The following COP1 variants were observed in gnomAD, a reference collection of about 807,000 sequenced individuals.
The protein encoded by COP1 is COP1 E3 ubiquitin ligase, also known as E3 ubiquitin-protein ligase COP1.
Under a neutral mutation model 101.3 loss-of-function variants are expected in COP1, and 24 were observed. The observed-to-expected ratio is 0.24, with a 90% CI of 0.17 to 0.33. COP1 has a LOEUF of 0.33. COP1 is among the 10% of genes least tolerant of loss of function. The probability of loss-of-function intolerance (pLI) is 1.00; values close to 1 mark genes in which losing one functional copy is unlikely to be tolerated. For missense variants in COP1, 663 were observed against 906.2 expected, an observed-to-expected ratio of 0.73 and a Z score of 3.45; for synonymous variants, 347 against 341.9, an observed-to-expected ratio of 1.01 and a Z score of -0.17.
At chr1:175,981,368 C>G (rs1655824470) in intron 18 of COP1, among the ~76,000 whole-genome samples, 1 of 152,106 alleles carries the variant, frequency 6.6e-6, no homozygotes, top group South Asian at 2.1e-4. Flanking sequence ...TCTCTGCCTT[C>G]TTTCAAGAAT....
At chr1:176,063,466 T>A (rs917640761) in intron 11 of COP1, among the ~76,000 whole-genome samples, 2 of 152,250 alleles carry the variant, frequency 1.3e-5, no homozygotes, top group African/African-American at 4.8e-5. Flanking sequence ...TTAAAAACTA[T>A]CCAACTTGTG....
intron 9 of COP1, among the ~76,000 whole-genome samples, chr1:176,104,299 T>C (rs2149520765): frequency 6.6e-6 from 1 of 152,270 alleles, no homozygotes; most frequent in East Asian, 1.9e-4. Flanking sequence ...TTAACTGTGA[T>C]TCAAAGATCT....
In COP1 at chr1:176,031,508, C is replaced by T. The variant is rs573023492; in HGVS notation, c.1613-3820G>A. Among the ~76,000 whole-genome samples the T allele has an allele frequency of 1.3e-4, 20 of 151,954 alleles. 1 individual carries two copies. The highest frequency in any genetic ancestry group is 1.2e-3 in the Admixed American group (18 of 15,270). ...AGAATTTATTGACGAAAATTCCCTTCGAAAGAAAAAGTAAATTTAAAAGAA... is the reference window on the plus strand; with the variant it reads ...AGAATTTATTGACGAAAATTCCCTTTGAAAGAAAAAGTAAATTTAAAAGAA... On this transcript the variant is annotated intron_variant, in intron 14 of 19. Coordinates refer to ENST00000367669, the MANE Select transcript of COP1 (RefSeq NM_022457.7).
chr1:176,061,096 T>C (rs753880445), intron 11 of COP1, among the ~76,000 whole-genome samples: 22 of 152,252 alleles, frequency 1.4e-4, no homozygotes, highest in Non-Finnish European at 2.9e-4. Flanking sequence ...AGTATGGTAC[T>C]GGCCTAAGAG....
intron 18 of COP1, among the ~76,000 whole-genome samples, chr1:175,966,876 C>T (rs4304533): frequency 0.86 from 131,331 of 152,154 alleles, 58,764 homozygotes; most frequent in Non-Finnish European, 0.98. Flanking sequence ...CCAAAGTCAA[C>T]ATACATGGCA....
At chr1:176,003,939 G>C (rs1281651419) in intron 15 of COP1, among the ~76,000 whole-genome samples, 21 of 151,944 alleles carry the variant, frequency 1.4e-4, no homozygotes, top group African/African-American at 4.4e-4. Flanking sequence ...AATTACCCTG[G>C]GCAGTATGGC....
intron 18 of COP1, among the ~76,000 whole-genome samples, chr1:175,981,628 A>G (rs1450258136): frequency 6.6e-6 from 1 of 152,194 alleles, no homozygotes; most frequent in African/African-American, 2.4e-5. Context: ...TAAAACTGCA[A>G]AAGCAAAAAC....
chr1:176,194,030 T>C (rs1375972593), intron 1 of COP1, among the ~76,000 whole-genome samples: 6 of 152,088 alleles, frequency 3.9e-5, no homozygotes, highest in Admixed American at 3.3e-4. Context: ...CAAATGGAAA[T>C]ACACTATTGC....
intron 9 of COP1, among the ~76,000 whole-genome samples, chr1:176,091,187 T>C (rs189606172): frequency 6.6e-6 from 1 of 152,082 alleles, no homozygotes; most frequent in Non-Finnish European, 1.5e-5. Flanking sequence ...TTATTACCAG[T>C]GAGCCATCTC....
chr1:176,016,728 G>T (rs1311013915), intron 15 of COP1, among the ~76,000 whole-genome samples: 2 of 151,870 alleles, frequency 1.3e-5, no homozygotes, highest in East Asian at 3.9e-4. Context: ...TTTTATGAAT[G>T]ACTCTTTTTT....
intron 1 of COP1, among the ~76,000 whole-genome samples, chr1:176,197,716 T>A (rs983567537): frequency 6.6e-6 from 1 of 152,164 alleles, no homozygotes; most frequent in Non-Finnish European, 1.5e-5. Context: ...CATATAAATT[T>A]AAAAGATGTA....
intron 8 of COP1, among the ~76,000 whole-genome samples, chr1:176,134,297 T>C (rs1488928580): frequency 6.6e-6 from 1 of 152,078 alleles, no homozygotes. Flanking sequence ...AATGATTTCA[T>C]GTAAAACTGT....
At chr1:175,968,738 GGAA>G (rs1411158195) in intron 18 of COP1, among the ~76,000 whole-genome samples, 6 of 152,148 alleles carry the variant, frequency 3.9e-5, no homozygotes, top group Admixed American at 1.3e-4. Context: ...CATACACAAG[GGAA>G]GAAGGATTTA....
chr1:175,948,720 A>C (rs922404956), intron 18 of COP1, among the ~76,000 whole-genome samples: 3 of 152,218 alleles, frequency 2.0e-5, no homozygotes, highest in Non-Finnish European at 4.4e-5. Flanking sequence ...CTATTCCAGA[A>C]TTTTTAATGG....
intron 11 of COP1, among the ~76,000 whole-genome samples, chr1:176,060,988 C>T (rs1181691903): frequency 2.6e-5 from 4 of 152,138 alleles, no homozygotes; most frequent in Non-Finnish European, 5.9e-5. Context: ...ATGTAAGGGA[C>T]TTATACTAGC....
rs192044820 is a variant in COP1 at position 176,068,458 on chromosome 1, A to G, written c.1277+12694T>C. Among the ~76,000 whole-genome samples, 18 of 152,362 alleles carry G rather than the reference A, an allele frequency of 1.2e-4. No homozygotes were observed. The East Asian group carries it at 3.5e-3, about 29-fold the overall frequency. ...CAAGATCTCCAGATGATTATGAGGCACTGTCCTAAAAACAGGTTAGTAAGT... is the reference window on the plus strand; with the variant it reads ...CAAGATCTCCAGATGATTATGAGGCGCTGTCCTAAAAACAGGTTAGTAAGT... On this transcript the variant is annotated intron_variant, in intron 11 of 19. Coordinates refer to ENST00000367669, the MANE Select transcript of COP1 (RefSeq NM_022457.7).
chr1:175,967,746 T>A (rs529152002), intron 18 of COP1, among the ~76,000 whole-genome samples: 1 of 152,370 alleles, frequency 6.6e-6, no homozygotes, highest in South Asian at 2.1e-4. Context: ...GAAATCACTT[T>A]CTTAATGAGA....
chr1:175,986,513 C>T (rs16849486), intron 18 of COP1, among the ~76,000 whole-genome samples: 41,677 of 151,938 alleles, frequency 0.27, 6,672 homozygotes, highest in East Asian at 0.49. Context: ...AATTAGAGGA[C>T]CATATAGGCC....
At chr1:176,067,341 G>A (rs1194877579) in intron 11 of COP1, among the ~76,000 whole-genome samples, 2 of 152,106 alleles carry the variant, frequency 1.3e-5, no homozygotes, top group African/African-American at 4.8e-5. Flanking sequence ...GTGCTCAAAT[G>A]TTGCATTTTC....
Sources: gnomAD v4.1 joint callset for allele counts (sites outside exome capture counted in the v4.1 genomes callset) on GRCh38, gnomAD v4.1.1 for gene constraint, MANE v1.5 for transcripts, NCBI Gene and HGNC (gene_info 2026-07-23, HGNC 2026-07-21) for gene names.